The following VWA3B variants were observed in gnomAD, a reference collection of about 807,000 sequenced individuals.
The protein encoded by VWA3B is von Willebrand factor A domain-containing protein 3B.
VWA3B carries 138 observed loss-of-function variants against 158.3 expected under a neutral mutation model. The ratio of observed to expected loss-of-function variants is 0.87; its 90% CI spans 0.76 to 1.00. The LOEUF (loss-of-function observed/expected upper bound fraction) is 1.00, where lower values mean the gene tolerates loss of function less well. Among genes scored for constraint, VWA3B ranks in the 50% least tolerant of loss-of-function variants. The probability of loss-of-function intolerance (pLI) is 0.00; values close to 1 mark genes in which losing one functional copy is unlikely to be tolerated. For missense variants in VWA3B, 1,555 were observed against 1,565.1 expected (o/e 0.99, Z 0.11); for synonymous variants, 596 against 587.3 (o/e 1.01, Z -0.21).
At chr2:98,263,777 C>A (rs1174662065) in intron 21 of VWA3B, among the ~76,000 whole-genome samples, 1 of 151,838 alleles carries the variant, frequency 6.6e-6, no homozygotes, top group Non-Finnish European at 1.5e-5. Flanking sequence ...AGCATTTCTC[C>A]CTTTTCAATC....
At chr2:98,142,115 T>C (rs1676817016) in intron 7 of VWA3B, among the ~76,000 whole-genome samples, 1 of 152,236 alleles carries the variant, frequency 6.6e-6, no homozygotes. Flanking sequence ...GCAGTGTTTA[T>C]GCATCAGGAG....
At chr2:98,322,883 C>G in the VWA3B span, among the ~76,000 whole-genome samples, 2 of 152,132 alleles carry the variant, frequency 1.3e-5, no homozygotes, top group African/African-American at 2.4e-5. Flanking sequence ...GATGTGAACT[C>G]CTTCATATTA....
chr2:98,303,944 G>T, intron 26 of VWA3B, 142 bp downstream of exon 26: 1 of 768,908 alleles, frequency 1.3e-6, no homozygotes, highest in East Asian at 2.7e-5. Flanking sequence ...ATGTAGCTCT[G>T]TGTTTATTAT....
At chr2:98,173,711 T>C (rs1010851426) in intron 8 of VWA3B, among the ~76,000 whole-genome samples, 2 of 152,166 alleles carry the variant, frequency 1.3e-5, no homozygotes, top group Non-Finnish European at 2.9e-5. Flanking sequence ...CTCACGCCTG[T>C]AATCCCAGTA....
chr2:98,217,080 G>A (rs1054006663), intron 13 of VWA3B: 2 of 909,746 alleles, frequency 2.2e-6, no homozygotes, highest in African/African-American at 3.5e-5. Flanking sequence ...AGAGGGTGGG[G>A]GTTCCCCTCA....
In VWA3B at chr2:98,119,641, G is replaced by A; in HGVS notation, c.420G>A (p.Gln140=). Residue 140 remains glutamine (Q), a synonymous_variant, in exon 4 of 28, where the codon CAG becomes CAA. Coordinates refer to ENST00000477737, the MANE Select transcript of VWA3B (RefSeq NM_144992.5). ...SRQIFGVILE[Q]CVTIVLDFGG... is the part of the protein sequence containing the mutation. ...AGATTTTTGGTGTCATCTTGGAACAGTGCGTCACCATAGTGCTGGATTTTG... is the reference window on the plus strand; with the variant it reads ...AGATTTTTGGTGTCATCTTGGAACAATGCGTCACCATAGTGCTGGATTTTG... 1.9e-6 allele frequency: 3 copies of A among 1,614,156 alleles called. No individual in the cohort carries two copies. The highest frequency in any genetic ancestry group is 2.5e-6 in the Non-Finnish European group (3 of 1,180,040).
At chr2:98,276,040 A>G (rs1385154181) in intron 22 of VWA3B, among the ~76,000 whole-genome samples, 1 of 152,204 alleles carries the variant, frequency 6.6e-6, no homozygotes, top group Non-Finnish European at 1.5e-5. Context: ...CTGTCCCCTC[A>G]CTGCCTTGCC....
chr2:98,191,426 T>C (rs1040401038), intron 10 of VWA3B, among the ~76,000 whole-genome samples: 1 of 152,224 alleles, frequency 6.6e-6, no homozygotes, highest in African/African-American at 2.4e-5. Flanking sequence ...CTTTACATTA[T>C]CAGGTACTAG....
intron 8 of VWA3B, among the ~76,000 whole-genome samples, chr2:98,167,101 A>C (rs1487068708): frequency 6.6e-6 from 1 of 152,212 alleles, no homozygotes; most frequent in East Asian, 1.9e-4. Context: ...CTGGCTGCTC[A>C]GGGCCTGCAG....
chr2:98,235,938 A>T (rs1472551350), intron 17 of VWA3B, among the ~76,000 whole-genome samples: 4 of 152,224 alleles, frequency 2.6e-5, no homozygotes, highest in African/African-American at 9.6e-5. Flanking sequence ...TAATTTGAAA[A>T]TTTGAACTTA....
chr2:98,241,122 A>G (rs1385924215), intron 19 of VWA3B, among the ~76,000 whole-genome samples: 1 of 152,102 alleles, frequency 6.6e-6, no homozygotes, highest in African/African-American at 2.4e-5. Flanking sequence ...TGGCCACAGA[A>G]GGCTTGCCTT....
chr2:98,194,608 C>A, intron 12 of VWA3B, 116 bp downstream of exon 12: 1 of 1,318,280 alleles, frequency 7.6e-7, no homozygotes, highest in Non-Finnish European at 1.0e-6. Flanking sequence ...ATGGAAGTGG[C>A]TTAACATGTA....
At chr2:98,235,856 C>G (rs1394474091) in intron 17 of VWA3B, among the ~76,000 whole-genome samples, 1 of 152,214 alleles carries the variant, frequency 6.6e-6, no homozygotes, top group Non-Finnish European at 1.5e-5. Context: ...CTGAATGCTG[C>G]TCATTCAACA....
intron 7 of VWA3B, among the ~76,000 whole-genome samples, chr2:98,136,874 T>C (rs1559563752): frequency 6.6e-6 from 1 of 152,238 alleles, no homozygotes; most frequent in Non-Finnish European, 1.5e-5. Context: ...CTCTAGGTAG[T>C]ATCTCATAAA....
intron 8 of VWA3B, among the ~76,000 whole-genome samples, chr2:98,167,273 G>A (rs1289867806): frequency 6.6e-6 from 1 of 152,086 alleles, no homozygotes. Context: ...TCTGGTGCCT[G>A]GGATGAAAAG....
At chr2:98,267,047 C>T in intron 21 of VWA3B, among the ~76,000 whole-genome samples, 1 of 151,746 alleles carries the variant, frequency 6.6e-6, no homozygotes, top group East Asian at 1.9e-4. Context: ...TTTTTTTCTC[C>T]TACCTGATTG....
intron 2 of VWA3B, among the ~76,000 whole-genome samples, chr2:98,115,101 C>CTTTTTTTTTTT (rs369549458): frequency 2.3e-5 from 3 of 131,644 alleles, no homozygotes; most frequent in Non-Finnish European, 3.3e-5. Context: ...TCCTATGTTG[C>CTTTTTTTTTTT]TTTTTTTTTT....
chr2:98,291,598 A>G (rs1558767014), intron 23 of VWA3B: 1 of 152,258 alleles, frequency 6.6e-6, no homozygotes, highest in Non-Finnish European at 1.5e-5. Flanking sequence ...GAGAAACACA[A>G]TCACATTTGA....
At chr2:98,107,135 T>C (rs1207365125) in intron 2 of VWA3B, among the ~76,000 whole-genome samples, 2 of 152,186 alleles carry the variant, frequency 1.3e-5, no homozygotes, top group Non-Finnish European at 2.9e-5. Context: ...GTTACTTTAA[T>C]GGATTATATT....
Sources: allele counts gnomAD v4.1 joint callset (sites outside exome capture counted in the v4.1 genomes callset), GRCh38; gene constraint gnomAD v4.1.1; transcripts MANE v1.5; gene names NCBI Gene and HGNC (gene_info 2026-07-23, HGNC 2026-07-21).